The following DPYSL2 variants were observed in gnomAD, a reference collection of about 807,000 sequenced individuals.
DPYSL2 encodes dihydropyrimidinase like 2.
A neutral mutation model predicts 69.9 loss-of-function variants in DPYSL2; 13 were observed. The ratio of observed to expected loss-of-function variants is 0.19; its 90% CI spans 0.12 to 0.30. The LOEUF is 0.30. Ranked by LOEUF, DPYSL2 falls within the 10% of genes least tolerant of loss-of-function variation. The pLI, the probability that DPYSL2 is intolerant of heterozygous loss-of-function variation, is 1.00. For missense variants in DPYSL2, 587 were observed against 918.9 expected (o/e 0.64, Z 4.67); for synonymous variants, 326 against 359.1 (o/e 0.91, Z 1.04).
At chr8:26,636,951 A>G (rs1007446070) in intron 8 of DPYSL2, among the ~76,000 whole-genome samples, 2 of 152,096 alleles carry the variant, frequency 1.3e-5, no homozygotes, top group Non-Finnish European at 2.9e-5. Context: ...CATGTTGACC[A>G]GGCTGGTCTG....
chr8:26,644,557 G>A lies in DPYSL2; in HGVS notation c.1425+466G>A, dbSNP rs575450806. Among the ~76,000 whole-genome samples the A allele has an allele frequency of 4.0e-5, 6 of 151,694 alleles. No individual in the cohort carries two copies. The highest frequency in any genetic ancestry group is 5.9e-5 in the Non-Finnish European group (4 of 67,928). On this transcript the variant is annotated intron_variant, in intron 10 of 13. Coordinates refer to ENST00000521913, the MANE Select transcript of DPYSL2 (RefSeq NM_001197293.3). The surrounding 1 kb of genome is among the most constrained non-coding windows in gnomAD (Gnocchi z 4.5). ...AGTTCCCGGGTTTAAGCAATGCCTC[G>A]GCCTCCCAAAGTGCTGGGATTACAG... is the stretch of plus-strand genomic sequence containing the variant.
chr8:26,527,154 C>T (rs183904892), intron 1 of DPYSL2, among the ~76,000 whole-genome samples: 5 of 152,160 alleles, frequency 3.3e-5, no homozygotes, highest in Non-Finnish European at 5.9e-5. Flanking sequence ...CTGCTGCTGA[C>T]GGTCCCTGAA....
At chr8:26,579,508 A>C (rs975526617) in intron 1 of DPYSL2, among the ~76,000 whole-genome samples, 4 of 152,190 alleles carry the variant, frequency 2.6e-5, no homozygotes, top group Non-Finnish European at 5.9e-5. Context: ...TAAAGCAGTC[A>C]GGATGTGTTT....
Position 26,581,426 on chromosome 8 carries a change from T to C in DPYSL2, c.355-543T>C, listed in dbSNP as rs193289199. On this transcript the variant is annotated intron_variant, in intron 1 of 13. Transcript: ENST00000521913. ...TCTTGCTGTGTAACCCAGGCTGGGGTGCAGTGACGTGATCTCGGTTCACTA... is the reference window on the plus strand; with the variant it reads ...TCTTGCTGTGTAACCCAGGCTGGGGCGCAGTGACGTGATCTCGGTTCACTA... Among the ~76,000 whole-genome samples the C allele has an allele frequency of 2.2e-3, 337 of 151,848 alleles. 1 individual carries two copies. Among genetic ancestry groups the C allele is most frequent in the African/African-American group, 7.9e-3 (326 of 41,422 alleles).
In DPYSL2 at chr8:26,591,961, G is replaced by A. The variant is rs1028714062; in HGVS notation, c.628+7978G>A. On this transcript the variant is annotated intron_variant, in intron 3 of 13. Transcript: ENST00000521913. This position sits in a 1 kb window ranked among gnomAD's most constrained non-coding sequence, Gnocchi z 5.8. ...TAAGCAGGCATATACCCACGGAGTC[G>A]CTTAAGAAAACACCTAACCACACTG... 1.3e-5 allele frequency among the ~76,000 whole-genome samples: 2 copies of A among 152,140 alleles called. No homozygotes were observed. Among genetic ancestry groups the A allele is most frequent in the African/African-American group, 4.8e-5 (2 of 41,424 alleles).
At chr8:26,632,030 A>G (rs144977248) in intron 7 of DPYSL2, among the ~76,000 whole-genome samples, 1 of 152,320 alleles carries the variant, frequency 6.6e-6, no homozygotes, top group East Asian at 1.9e-4. Flanking sequence ...TTGGTGACCT[A>G]TCCATCACTA....
chr8:26,578,238 T>C (rs1801405374), intron 1 of DPYSL2: 1 of 1,613,988 alleles, frequency 6.2e-7, no homozygotes, highest in Admixed American at 1.7e-5. Flanking sequence ...TGAAATTAAT[T>C]TTTTCCCAGG....
At chr8:26,542,438 TGA>T (rs1270183774) in intron 1 of DPYSL2, among the ~76,000 whole-genome samples, 16 of 152,124 alleles carry the variant, frequency 1.1e-4, no homozygotes, top group Admixed American at 5.2e-4. Context: ...TTTTTTTTTT[TGA>T]GGTGGCAGTC....
chr8:26,550,239 G>A (rs4871986), intron 1 of DPYSL2, among the ~76,000 whole-genome samples: 126,854 of 152,132 alleles, frequency 0.83, 53,743 homozygotes, highest in East Asian at 0.94. Context: ...CTTGTTGTAA[G>A]TGTATACTGC....
intron 10 of DPYSL2, among the ~76,000 whole-genome samples, chr8:26,646,232 A>AT (rs1255775492): frequency 1.3e-5 from 2 of 149,862 alleles, no homozygotes; most frequent in Non-Finnish European, 3.0e-5. Context: ...CTTGAATGAC[A>AT]TTTTTATAAT....
intron 3 of DPYSL2, among the ~76,000 whole-genome samples, chr8:26,590,785 G>A (rs1801708581): frequency 6.6e-6 from 1 of 152,248 alleles, no homozygotes; most frequent in South Asian, 2.1e-4. Context: ...GCGGTACAGG[G>A]GAAGGATGGC....
At position 26,654,717 on chromosome 8, in the gene DPYSL2, T is replaced by C. The variant is rs985320979; in HGVS notation, c.1943-898T>C. On this transcript the variant is annotated intron_variant, in intron 13 of 13. Coordinates refer to ENST00000521913, the MANE Select transcript of DPYSL2 (RefSeq NM_001197293.3). This position sits in a 1 kb window ranked among gnomAD's most constrained non-coding sequence, Gnocchi z 5.0. The stretch of plus-strand genomic sequence containing the variant: ...AATCAGAACAGGGGACAGGACAGAG[T>C]CTAAGATGTAGTGATATTTTGTATA... Among the ~76,000 whole-genome samples, 1 of 152,046 alleles carries C rather than the reference T, an allele frequency of 6.6e-6. No individual in the cohort carries two copies. Among genetic ancestry groups the C allele is most frequent in the African/African-American group, 2.4e-5 (1 of 41,392 alleles).
At chr8:26,549,733 A>G (rs1800842022) in intron 1 of DPYSL2, among the ~76,000 whole-genome samples, 1 of 152,206 alleles carries the variant, frequency 6.6e-6, no homozygotes, top group South Asian at 2.1e-4. Flanking sequence ...TTCTCTTGAG[A>G]CCCATACAAG....
rs1256449052 is a variant in DPYSL2 at position 26,548,660 on chromosome 8, ATTGT to A, written c.355-33305_355-33302del. Among the ~76,000 whole-genome samples, 3 of 151,948 alleles carry A rather than the reference ATTGT, an allele frequency of 2.0e-5. No individual in the cohort carries two copies. The East Asian group carries it at 5.8e-4, about 29-fold the overall frequency. ...CACTTTGGGAGTCTGAGGCAGGAAC[ATTGT>A]TTGAACTCAGGAATCCAAGACCAGC... On this transcript the variant is annotated intron_variant, in intron 1 of 13. Coordinates refer to ENST00000521913, the MANE Select transcript of DPYSL2 (RefSeq NM_001197293.3).
At chr8:26,542,211 C>A (rs974102499) in intron 1 of DPYSL2, among the ~76,000 whole-genome samples, 3 of 152,110 alleles carry the variant, frequency 2.0e-5, no homozygotes, top group Non-Finnish European at 4.4e-5. Flanking sequence ...TCGCTTGAGG[C>A]TGGGAGGTTG....
chr8:26,575,323 A>C (rs557611807), intron 1 of DPYSL2, among the ~76,000 whole-genome samples: 1 of 151,988 alleles, frequency 6.6e-6, no homozygotes, highest in African/African-American at 2.4e-5. Flanking sequence ...CTGAAGTAAA[A>C]GTGTGAGGCC....
In DPYSL2 at chr8:26,580,881, T is replaced by C. The variant is rs1287597116; in HGVS notation, c.355-1088T>C. ...ACACTCGATGCCAGCATTCCTTCCA[T>C]CAGCAGCATTTGCAATAACGATGAG... On this transcript the variant is annotated intron_variant, in intron 1 of 13. Coordinates refer to ENST00000521913, the MANE Select transcript of DPYSL2 (RefSeq NM_001197293.3). The surrounding 1 kb of genome is among the most constrained non-coding windows in gnomAD (Gnocchi z 4.1). Among the ~76,000 whole-genome samples the C allele has an allele frequency of 6.6e-6, 1 of 152,224 alleles. No individual in the cohort carries two copies. Among genetic ancestry groups the C allele is most frequent in the Non-Finnish European group, 1.5e-5 (1 of 68,040 alleles).
intron 1 of DPYSL2, among the ~76,000 whole-genome samples, chr8:26,575,920 T>A (rs1051503434): frequency 2.0e-5 from 3 of 152,186 alleles, no homozygotes; most frequent in Admixed American, 6.5e-5. Context: ...TGGGACTGAC[T>A]GTTGGTTTTT....
At chr8:26,613,021 G>A (rs1450578516) in intron 3 of DPYSL2, among the ~76,000 whole-genome samples, 1 of 152,218 alleles carries the variant, frequency 6.6e-6, no homozygotes, top group South Asian at 2.1e-4. Flanking sequence ...CTATGTCTAT[G>A]TGAGGTTGAT....
Sources: gnomAD v4.1 joint callset for allele counts (sites outside exome capture counted in the v4.1 genomes callset) on GRCh38, gnomAD v4.1.1 for gene constraint, Gnocchi (gnomAD v3.1) non-coding constraint, MANE v1.5 for transcripts, NCBI Gene and HGNC (gene_info 2026-07-23, HGNC 2026-07-21) for gene names.